STXBP5L: variants seen among roughly 807,000 people sequenced by gnomAD.
STXBP5L encodes syntaxin-binding protein 5-like.
STXBP5L carries 65 observed loss-of-function variants against 144.5 expected under a neutral mutation model. That is an observed-to-expected ratio of 0.45 (90% CI 0.37 to 0.55). STXBP5L has a LOEUF of 0.55. Among genes scored for constraint, STXBP5L ranks in the 20% least tolerant of loss-of-function variants. The pLI is 0.00. For synonymous variants in STXBP5L, 505 were observed against 469.6 expected (o/e 1.08, Z -0.97); for missense variants, 1,298 against 1,405.5 (o/e 0.92, Z 1.22).
chr3:120,930,800 A>G (rs1032457089), intron 2 of STXBP5L, among the ~76,000 whole-genome samples: 1 of 152,128 alleles, frequency 6.6e-6, no homozygotes, highest in Non-Finnish European at 1.5e-5. Context: ...ACTAGGATTT[A>G]TAACTGGGAT....
intron 5 of STXBP5L, among the ~76,000 whole-genome samples, chr3:121,077,093 C>T (rs946466674): frequency 1.3e-5 from 2 of 152,204 alleles, no homozygotes; most frequent in African/African-American, 4.8e-5. Context: ...CTTTCACACA[C>T]TTTCACACAC....
chr3:121,021,039 A>G (rs1239350819), intron 3 of STXBP5L, among the ~76,000 whole-genome samples: 36 of 152,070 alleles, frequency 2.4e-4, no homozygotes, highest in Admixed American at 2.4e-3. Context: ...CTTCCACATA[A>G]GGACTCACAT....
chr3:121,015,299 C>T (rs760331643), intron 3 of STXBP5L, among the ~76,000 whole-genome samples: 3 of 152,150 alleles, frequency 2.0e-5, no homozygotes, highest in Non-Finnish European at 4.4e-5. Context: ...CTTCAACATG[C>T]AAAGAGCTTG....
At chr3:121,179,635 T>G (rs2047064163) in intron 9 of STXBP5L, among the ~76,000 whole-genome samples, 1 of 152,058 alleles carries the variant, frequency 6.6e-6, no homozygotes, top group South Asian at 2.1e-4. Context: ...ATTGAGCTAC[T>G]CAAGGAAATA....
At chr3:121,208,900 C>T (rs996430394) in intron 10 of STXBP5L, among the ~76,000 whole-genome samples, 1 of 151,994 alleles carries the variant, frequency 6.6e-6, no homozygotes, top group Non-Finnish European at 1.5e-5. Context: ...CTAATGCTAT[C>T]CCTCCCCTAG....
intron 12 of STXBP5L, among the ~76,000 whole-genome samples, chr3:121,235,991 G>A (rs1156963314): frequency 6.6e-6 from 1 of 152,104 alleles, no homozygotes; most frequent in East Asian, 1.9e-4. Context: ...GTTATAGGAT[G>A]ACACAGACCT....
intron 3 of STXBP5L, among the ~76,000 whole-genome samples, chr3:121,032,441 T>C (rs939620330): frequency 6.6e-6 from 1 of 152,234 alleles, no homozygotes; most frequent in African/African-American, 2.4e-5. Flanking sequence ...CACTAGGTAA[T>C]AAATTCATGT....
At chr3:121,283,896 TGTGTG>T (rs1559934631) in intron 19 of STXBP5L, among the ~76,000 whole-genome samples, 74 of 99,746 alleles carry the variant, frequency 7.4e-4, no homozygotes, top group African/African-American at 2.1e-3. Context: ...TGTGTGTGCT[TGTGTG>T]TGTGTGTGTG....
At chr3:121,358,432 G>C (rs1465147042) in intron 20 of STXBP5L, among the ~76,000 whole-genome samples, 3 of 152,162 alleles carry the variant, frequency 2.0e-5, no homozygotes, top group Non-Finnish European at 4.4e-5. Context: ...CAGTGAAGGG[G>C]AAGCGAGGCA....
chr3:120,986,270 T>G (rs1942277903), intron 3 of STXBP5L, among the ~76,000 whole-genome samples: 1 of 151,998 alleles, frequency 6.6e-6, no homozygotes, highest in Non-Finnish European at 1.5e-5. Context: ...TGTTCTGTAT[T>G]TTTGAAATCT....
intron 3 of STXBP5L, among the ~76,000 whole-genome samples, chr3:120,969,416 T>G (rs1939983873): frequency 6.6e-6 from 1 of 151,330 alleles, no homozygotes; most frequent in Non-Finnish European, 1.5e-5. Context: ...TTTTTTCTTG[T>G]TAATTTGTTT....
At chr3:121,236,708 A>G (rs192953649) in intron 12 of STXBP5L, among the ~76,000 whole-genome samples, 74 of 152,324 alleles carry the variant, frequency 4.9e-4, no homozygotes, top group African/African-American at 1.8e-3. Flanking sequence ...AAAAGATACA[A>G]TCATTCTTTT....
At chr3:120,998,430 C>G (rs747504006) in intron 3 of STXBP5L, among the ~76,000 whole-genome samples, 1 of 151,876 alleles carries the variant, frequency 6.6e-6, no homozygotes. Context: ...ATGTGCAGAA[C>G]GTGCAGGTTT....
chr3:121,246,844 A>T (rs1352608347), intron 14 of STXBP5L, among the ~76,000 whole-genome samples: 1 of 152,220 alleles, frequency 6.6e-6, no homozygotes, highest in Non-Finnish European at 1.5e-5. Context: ...AGTAGATATT[A>T]TGTGGGTTCC....
At chr3:121,194,915 T>TA (rs1453029662) in intron 9 of STXBP5L, among the ~76,000 whole-genome samples, 2 of 134,426 alleles carry the variant, frequency 1.5e-5, no homozygotes, top group African/African-American at 2.8e-5. Flanking sequence ...CACTCTTTTT[T>TA]TTTTTTTTTT....
chr3:120,999,943 C>G (rs1183798901), intron 3 of STXBP5L, among the ~76,000 whole-genome samples: 2 of 152,166 alleles, frequency 1.3e-5, no homozygotes, highest in Non-Finnish European at 2.9e-5. Flanking sequence ...GGCCCCCAGT[C>G]TTTTCTAGCT....
chr3:121,238,876 T>A (rs1400972647), intron 12 of STXBP5L, 95 bp from the exon 13 acceptor site: 6 of 1,212,114 alleles, frequency 5.0e-6, no homozygotes, highest in Non-Finnish European at 6.5e-6. Flanking sequence ...AAATTTATAG[T>A]GATGTTTAGA....
chr3:121,399,696 C>G (rs2046823251), intron 22 of STXBP5L, among the ~76,000 whole-genome samples: 1 of 152,342 alleles, frequency 6.6e-6, no homozygotes, highest in Non-Finnish European at 1.5e-5. Context: ...TTAAGAATAC[C>G]TTTAAGCAGT....
intron 3 of STXBP5L, among the ~76,000 whole-genome samples, chr3:121,040,373 TTGTA>T (rs1478707172): frequency 2.0e-5 from 3 of 152,078 alleles, no homozygotes; most frequent in Non-Finnish European, 4.4e-5. Context: ...TCTGAGTACT[TTGTA>T]TGTGAATTCT....
Sources: allele counts gnomAD v4.1 joint callset (sites outside exome capture counted in the v4.1 genomes callset), GRCh38; gene constraint gnomAD v4.1.1; transcripts MANE v1.5; gene names NCBI Gene and HGNC (gene_info 2026-07-23, HGNC 2026-07-21).